Variants in RBFOX1 observed in about 807,000 individuals in gnomAD.
The protein encoded by RBFOX1 is RNA binding fox-1 homolog 1, also known as RNA binding protein fox-1 homolog 1.
Under a neutral mutation model 57.7 loss-of-function variants are expected in RBFOX1, and 8 were observed. The ratio of observed to expected loss-of-function variants is 0.14; its 90% CI spans 0.08 to 0.25. The LOEUF (loss-of-function observed/expected upper bound fraction) is 0.25. Among genes scored for constraint, RBFOX1 ranks in the 10% least tolerant of loss-of-function variants. The pLI, the probability that RBFOX1 is intolerant of heterozygous loss-of-function variation, is 1.00. For synonymous variants in RBFOX1, 326 were observed against 222.4 expected (o/e 1.47, Z -4.15); for missense variants, 611 against 548.5 (o/e 1.11, Z -1.14).
intron 3 of RBFOX1, among the ~76,000 whole-genome samples, chr16:5,839,766 A>G (rs771521637): frequency 1.3e-5 from 2 of 152,168 alleles, no homozygotes; most frequent in Non-Finnish European, 2.9e-5. Context: ...ACTGTGTTTC[A>G]AGGCAGGAGG....
In RBFOX1 at chr16:7,339,540, A is replaced by G. The variant is rs576557339; in HGVS notation, c.28-178607A>G. On this transcript the variant is annotated intron_variant, in intron 4 of 15. Transcript: ENST00000550418. ...ACTGCACCTCCACCTGCCAAGTTCA[A>G]GTGATTCTCCTGCTTCAGCCTCCTG... Among the ~76,000 whole-genome samples the G allele has an allele frequency of 5.3e-5, 8 of 152,252 alleles. No individual in the cohort carries two copies. The East Asian group carries it at 1.4e-3, about 26-fold the overall frequency.
intron 3 of RBFOX1, among the ~76,000 whole-genome samples, chr16:5,824,030 G>A (rs2055948823): frequency 6.6e-6 from 1 of 152,188 alleles, no homozygotes; most frequent in Non-Finnish European, 1.5e-5. Context: ...ACAAGGCCCT[G>A]TAGCCAGATG....
intron 4 of RBFOX1, among the ~76,000 whole-genome samples, chr16:7,442,329 C>T (rs2149923430): frequency 6.6e-6 from 1 of 152,296 alleles, no homozygotes; most frequent in Admixed American, 6.5e-5. Flanking sequence ...TCTCCCAGCA[C>T]AGCCTTCCTT....
chr16:7,182,909 C>T (rs113880010), intron 4 of RBFOX1, among the ~76,000 whole-genome samples: 1 of 152,162 alleles, frequency 6.6e-6, no homozygotes, highest in Non-Finnish European at 1.5e-5. Flanking sequence ...CAATTACATG[C>T]CCTGGTCATA....
chr16:7,458,173 T>C (rs1296960641), intron 4 of RBFOX1, among the ~76,000 whole-genome samples: 1 of 152,198 alleles, frequency 6.6e-6, no homozygotes, highest in Non-Finnish European at 1.5e-5. Context: ...ACGTCTATAC[T>C]GCCAGAGCCA....
intron 3 of RBFOX1, among the ~76,000 whole-genome samples, chr16:5,770,658 A>G (rs1206955609): frequency 2.6e-5 from 4 of 152,106 alleles, no homozygotes; most frequent in African/African-American, 9.7e-5. Flanking sequence ...CTCACTCTTG[A>G]ATTCTTTCCT....
chr16:6,113,743 G>C (rs1294334948), intron 1 of RBFOX1, among the ~76,000 whole-genome samples: 2 of 152,210 alleles, frequency 1.3e-5, no homozygotes, highest in Non-Finnish European at 1.5e-5. Context: ...GTGGCAGAAT[G>C]CCTAGCATGT....
intron 1 of RBFOX1, among the ~76,000 whole-genome samples, chr16:6,162,521 G>A (rs1429219236): frequency 1.3e-5 from 2 of 152,148 alleles, no homozygotes; most frequent in African/African-American, 2.4e-5. Flanking sequence ...TTTAAGGAAC[G>A]AAATGCAGGG....
chr16:7,219,828 A>G (rs552149936), intron 4 of RBFOX1, among the ~76,000 whole-genome samples: 4 of 152,184 alleles, frequency 2.6e-5, no homozygotes, highest in Non-Finnish European at 4.4e-5. Flanking sequence ...CCTTCCACCA[A>G]AGGATTTCCC....
chr16:6,927,491 C>G (rs999522296), intron 3 of RBFOX1, among the ~76,000 whole-genome samples: 2 of 145,950 alleles, frequency 1.4e-5, no homozygotes, highest in Non-Finnish European at 3.0e-5. Flanking sequence ...AATGTTTCCT[C>G]TCTTTCTTTC....
intron 3 of RBFOX1, among the ~76,000 whole-genome samples, chr16:6,754,337 T>G (rs1350128709): frequency 6.6e-6 from 1 of 152,214 alleles, no homozygotes; most frequent in Non-Finnish European, 1.5e-5. Context: ...TTGGATATAA[T>G]TATCTCTCTG....
chr16:6,966,568 A>G (rs947517912), intron 3 of RBFOX1, among the ~76,000 whole-genome samples: 2 of 152,130 alleles, frequency 1.3e-5, no homozygotes, highest in Non-Finnish European at 1.5e-5. Context: ...TTGAGAAAGA[A>G]TGGAAGATAC....
chr16:7,633,935 C>T (rs191586045), intron 11 of RBFOX1, among the ~76,000 whole-genome samples: 8 of 152,286 alleles, frequency 5.3e-5, no homozygotes, highest in Non-Finnish European at 1.5e-5. Flanking sequence ...ACTACAAAAC[C>T]ATTCCCCATT....
intron 3 of RBFOX1, among the ~76,000 whole-genome samples, chr16:5,733,471 C>A (rs2151568216): frequency 6.6e-6 from 1 of 152,272 alleles, no homozygotes; most frequent in African/African-American, 2.4e-5. Context: ...TCCCGAGCAG[C>A]AGTGCTGTCA....
At chr16:6,224,679 G>A (rs2097402707) in intron 1 of RBFOX1, among the ~76,000 whole-genome samples, 1 of 152,108 alleles carries the variant, frequency 6.6e-6, no homozygotes, top group African/African-American at 2.4e-5. Flanking sequence ...AATTGAATGT[G>A]TGTGAAGATG....
At chr16:5,792,715 T>G (rs990353458) in intron 3 of RBFOX1, among the ~76,000 whole-genome samples, 2 of 152,114 alleles carry the variant, frequency 1.3e-5, no homozygotes, top group African/African-American at 4.8e-5. Flanking sequence ...TGGTGGCATG[T>G]GCCTGTCATC....
At chr16:7,163,234 T>A (rs1413675222) in intron 4 of RBFOX1, among the ~76,000 whole-genome samples, 1 of 152,126 alleles carries the variant, frequency 6.6e-6, no homozygotes, top group African/African-American at 2.4e-5. Context: ...ACTGGCCAAT[T>A]TCTTTTGACT....
At chr16:7,120,024 C>T (rs1047317173) in intron 4 of RBFOX1, among the ~76,000 whole-genome samples, 1 of 141,596 alleles carries the variant, frequency 7.1e-6, no homozygotes, top group African/African-American at 2.5e-5. Context: ...TTGAGTTAAG[C>T]TGGAAATCAG....
intron 3 of RBFOX1, among the ~76,000 whole-genome samples, chr16:7,044,797 G>C (rs1197181158): frequency 2.0e-5 from 3 of 152,172 alleles, no homozygotes; most frequent in Non-Finnish European, 4.4e-5. Context: ...AGAATGCACA[G>C]GCAGGGTCTT....
Sources: gnomAD v4.1 joint callset for allele counts (sites outside exome capture counted in the v4.1 genomes callset) on GRCh38, gnomAD v4.1.1 for gene constraint, MANE v1.5 for transcripts, NCBI Gene and HGNC (gene_info 2026-07-23, HGNC 2026-07-21) for gene names.